KCNQ1: variants seen among roughly 807,000 people sequenced by gnomAD.
KCNQ1 encodes potassium voltage-gated channel subfamily KQT member 1.
Under a neutral mutation model 72.4 loss-of-function variants are expected in KCNQ1, and 49 were observed. The observed-to-expected ratio is 0.68, with a 90% CI of 0.54 to 0.86. The LOEUF (loss-of-function observed/expected upper bound fraction) is 0.86. KCNQ1 is among the 40% of genes least tolerant of loss of function. The pLI is 0.00. For synonymous variants in KCNQ1, 450 were observed against 412.6 expected (o/e 1.09, Z -1.10); for missense variants, 790 against 945.1 (o/e 0.84, Z 2.15).
rs1460121201 is a variant in KCNQ1 at position 2,725,888 on chromosome 11, G to A, written c.1515-42956G>A. On this transcript the variant is annotated intron_variant, in intron 11 of 15. Transcript: ENST00000155840. The surrounding 1 kb of genome is among the most constrained non-coding windows in gnomAD (Gnocchi z 7.2). The stretch of plus-strand genomic sequence containing the variant: ...AAGCGTTTTCTGACTTGGAGAGGCA[G>A]GAGGCCAACTCCCCGCTCCTCAGAT... Among the ~76,000 whole-genome samples, 1 of 152,088 alleles carries A rather than the reference G, an allele frequency of 6.6e-6. No homozygotes were observed. The highest frequency in any genetic ancestry group is 1.9e-4 in the East Asian group (1 of 5,164).
chr11:2,631,545 T>C, intron 10 of KCNQ1: 1 of 398,648 alleles, frequency 2.5e-6, no homozygotes. Flanking sequence ...CAGTCGTTTT[T>C]AATTTTCTGT....
rs1159638324 is a variant in KCNQ1 at position 2,598,525 on chromosome 11, AC to A, written c.1393+9672del. Among the ~76,000 whole-genome samples, 2 of 152,056 alleles carry A rather than the reference AC, an allele frequency of 1.3e-5. No homozygotes were observed. The highest frequency in any genetic ancestry group is 4.8e-5 in the African/African-American group (2 of 41,364). ...GTATAACACAAAGTTTTATTTGTATACATGGACAGACAAAATGTACATTGAG... is the reference window on the plus strand; with the variant it reads ...GTATAACACAAAGTTTTATTTGTATAATGGACAGACAAAATGTACATTGAG... On this transcript the variant is annotated intron_variant, in intron 10 of 15. Transcript: ENST00000155840. The surrounding 1 kb of genome is among the most constrained non-coding windows in gnomAD (Gnocchi z 6.2).
At chr11:2,591,828 C>G (rs1467523858) in intron 10 of KCNQ1, among the ~76,000 whole-genome samples, 1 of 152,262 alleles carries the variant, frequency 6.6e-6, no homozygotes, top group African/African-American at 2.4e-5. Flanking sequence ...CAGGCTGGAA[C>G]CACCAGCTTT....
At chr11:2,727,750 C>T (rs548090252) in intron 11 of KCNQ1, among the ~76,000 whole-genome samples, 5 of 152,124 alleles carry the variant, frequency 3.3e-5, no homozygotes, top group African/African-American at 4.8e-5. Context: ...TGCAGAAGGG[C>T]GAGCAGACAG....
intron 10 of KCNQ1, chr11:2,628,536 A>C (rs1849297564): frequency 2.5e-6 from 1 of 398,420 alleles, no homozygotes; most frequent in Non-Finnish European, 4.4e-6. Flanking sequence ...TATATATTGG[A>C]TATTAATAGC....
At chr11:2,609,182 CA>C (rs2133788195) in intron 10 of KCNQ1, 1 of 398,170 alleles carries the variant, frequency 2.5e-6, no homozygotes, top group African/African-American at 2.1e-5. Flanking sequence ...TCCATCTTTA[CA>C]CTGCTTTAAA....
rs1850651600 is a variant in KCNQ1, at chr11:2,695,056, A to G, written c.1514+32975A>G. On this transcript the variant is annotated intron_variant, in intron 11 of 15. Transcript: ENST00000155840. This position sits in a 1 kb window ranked among gnomAD's most constrained non-coding sequence, Gnocchi z 5.2. ...GCAGGGCAGATCTTGTAAAAACCTG[A>G]TGGAATTTGAATTTTATTTCCTAGA... is the stretch of plus-strand genomic sequence containing the variant. The G allele has an allele frequency of 2.5e-6, 1 of 398,620 alleles. No individual in the cohort carries two copies. The highest frequency in any genetic ancestry group is 4.4e-6 in the Non-Finnish European group (1 of 226,062). 24.7% of individuals were successfully genotyped at this position (398,620 alleles called of 1,614,324 possible).
chr11:2,541,359 G>A lies in KCNQ1; in HGVS notation c.477+13341G>A, dbSNP rs899930834. The stretch of plus-strand genomic sequence containing the variant: ...TTGGTGGGGAACCTGGGGGAAGGGC[G>A]GGCGTCTTTATTTCATTTTAGCTTT... On this transcript the variant is annotated intron_variant, in intron 2 of 15. Transcript: ENST00000155840. This position sits in a 1 kb window ranked among gnomAD's most constrained non-coding sequence, Gnocchi z 4.8. Among the ~76,000 whole-genome samples, 1 of 152,158 alleles carries A rather than the reference G, an allele frequency of 6.6e-6. No individual in the cohort carries two copies. The highest frequency in any genetic ancestry group is 2.4e-5 in the African/African-American group (1 of 41,450).
At chr11:2,694,761 A>G (rs926361606) in intron 11 of KCNQ1, 17 of 398,410 alleles carry the variant, frequency 4.3e-5, no homozygotes, top group Non-Finnish European at 7.5e-5. Context: ...GGAACTAGAA[A>G]AGCGTAGCCT....
intron 11 of KCNQ1, chr11:2,693,451 C>T (rs1459372383): frequency 1.3e-5 from 5 of 398,570 alleles, no homozygotes; most frequent in Admixed American, 4.4e-5. Context: ...CCCATCGAGT[C>T]CCCATTCTCT....
At chr11:2,807,476 C>A (rs1847403269) in intron 15 of KCNQ1, among the ~76,000 whole-genome samples, 1 of 152,204 alleles carries the variant, frequency 6.6e-6, no homozygotes, top group African/African-American at 2.4e-5. Context: ...GGGGCCAGCG[C>A]GATGTCATGA....
intron 11 of KCNQ1, chr11:2,666,991 CA>C (rs1201797893): frequency 1.3e-5 from 5 of 398,624 alleles, no homozygotes; most frequent in Non-Finnish European, 2.2e-5. Context: ...GAGGGCTGTA[CA>C]GGGCTGCATG....
At chr11:2,799,842 T>A (rs1333064019) in intron 15 of KCNQ1, among the ~76,000 whole-genome samples, 1 of 151,818 alleles carries the variant, frequency 6.6e-6, no homozygotes, top group African/African-American at 2.4e-5. Flanking sequence ...GCATGGGGGG[T>A]TCCAGTCACA....
intron 10 of KCNQ1, chr11:2,629,385 T>C (rs934733545): frequency 2.5e-6 from 1 of 398,418 alleles, no homozygotes; most frequent in African/African-American, 2.1e-5. Context: ...TCATATTATA[T>C]CCAAATGAAG....
intron 6 of KCNQ1, among the ~76,000 whole-genome samples, chr11:2,580,695 T>C (rs375520879): frequency 2.6e-5 from 4 of 152,206 alleles, no homozygotes; most frequent in African/African-American, 9.6e-5. Context: ...CAGACAGCCC[T>C]GTCCTGGACG....
At chr11:2,812,812 T>C (rs991843840) in intron 15 of KCNQ1, among the ~76,000 whole-genome samples, 5 of 152,164 alleles carry the variant, frequency 3.3e-5, no homozygotes, top group African/African-American at 1.2e-4. Flanking sequence ...CCTTCCTGAC[T>C]CCACCCAGCC....
intron 5 of KCNQ1, among the ~76,000 whole-genome samples, chr11:2,572,528 A>G (rs1289792892): frequency 6.6e-6 from 1 of 152,116 alleles, no homozygotes; most frequent in Non-Finnish European, 1.5e-5. Flanking sequence ...CTCCCTGAGG[A>G]TCTCCTGGGT....
At position 2,657,670 on chromosome 11, in the gene KCNQ1, T is replaced by C; in HGVS notation, c.1394-4291T>C. On this transcript the variant is annotated intron_variant, in intron 10 of 15. Coordinates refer to ENST00000155840, the MANE Select transcript of KCNQ1 (RefSeq NM_000218.3). This position sits in a 1 kb window ranked among gnomAD's most constrained non-coding sequence, Gnocchi z 4.8. ...ATTTGGATTTCCCCAGTTTAACTACTAATGTCCTTTTTCTGTTCCAAGATC... is the reference window on the plus strand; with the variant it reads ...ATTTGGATTTCCCCAGTTTAACTACCAATGTCCTTTTTCTGTTCCAAGATC... 1 of 398,656 alleles carries C rather than the reference T, an allele frequency of 2.5e-6. No individual in the cohort carries two copies. The highest frequency in any genetic ancestry group is 4.4e-6 in the Non-Finnish European group (1 of 226,068). 24.7% of individuals were successfully genotyped at this position (398,656 alleles called of 1,614,324 possible).
rs147490336 is a variant in KCNQ1 at position 2,663,203 on chromosome 11, G to A, written c.1514+1122G>A. 5.0e-6 allele frequency: 2 copies of A among 398,774 alleles called. No homozygotes were observed. Among genetic ancestry groups the A allele is most frequent in the African/African-American group, 4.1e-5 (2 of 48,756 alleles). The allele number at this position is 398,774 out of a possible 1,614,324, so 24.7% of individuals were successfully genotyped here. A position where few individuals can be genotyped will look rare whatever the true frequency, so the allele number is the denominator to read the frequency against. The stretch of plus-strand genomic sequence containing the variant: ...GGTTGGCAGTACCTCATGGTGGGTA[G>A]GGTGTGAAGAGGCTCCAAGGGAGCC... On this transcript the variant is annotated intron_variant, in intron 11 of 15. Transcript: ENST00000155840. This position sits in a 1 kb window ranked among gnomAD's most constrained non-coding sequence, Gnocchi z 5.2.
Sources: gnomAD v4.1 joint callset for allele counts (sites outside exome capture counted in the v4.1 genomes callset) on GRCh38, gnomAD v4.1.1 for gene constraint, Gnocchi (gnomAD v3.1) non-coding constraint, MANE v1.5 for transcripts, NCBI Gene and HGNC (gene_info 2026-07-23, HGNC 2026-07-21) for gene names.